DYDC2: variants seen among roughly 807,000 people sequenced by gnomAD.
DYDC2 encodes the protein DPY30 domain containing 2.
Under a neutral mutation model 18.7 loss-of-function variants are expected in DYDC2, and 19 were observed. The observed-to-expected ratio is 1.02, with a 90% CI of 0.71 to 1.49. The LOEUF is 1.49. Ranked by LOEUF, DYDC2 falls within the 40% of genes most tolerant of loss-of-function variation. The pLI is 0.00. For synonymous variants in DYDC2, 63 were observed against 67.6 expected (o/e 0.93, Z 0.34); for missense variants, 179 against 205.1 (o/e 0.87, Z 0.78).
At chr10:80,362,801 T>C in intron 3 of DYDC2, 150 bp from the exon 4 acceptor site, 1 of 1,262,612 alleles carries the variant, frequency 7.9e-7, no homozygotes. Context: ...AGTTGAAGGG[T>C]TTGTAACTAC....
chr10:80,348,017 T>A (rs2132807115), intron 1 of DYDC2, among the ~76,000 whole-genome samples: 1 of 152,308 alleles, frequency 6.6e-6, no homozygotes, highest in East Asian at 1.9e-4. Flanking sequence ...TGATAGGGAT[T>A]GAGATGAATC....
intron 1 of DYDC2, among the ~76,000 whole-genome samples, chr10:80,346,116 G>A (rs1220656860): frequency 1.3e-5 from 2 of 152,114 alleles, no homozygotes; most frequent in East Asian, 3.9e-4. Flanking sequence ...CCAAAGTACT[G>A]GGATTACAGG....
chr10:80,366,924 GCCTCCT>G lies in DYDC2; in HGVS notation c.508_513del (p.Pro170_Pro171del), dbSNP rs778804668. ...TTCAGCATGAAGTTGCTCATGAAAT[GCCTCCT>G]GGCTCCAAATCTCCTTTTTAGGTTA... is the stretch of plus-strand genomic sequence containing the variant. On this transcript the variant is annotated inframe_deletion, in exon 5 of 5. Coordinates refer to ENST00000256039, the MANE Select transcript of DYDC2 (RefSeq NM_032372.6). 3.1e-6 allele frequency: 5 copies of G among 1,613,678 alleles called. No homozygotes were observed. In the South Asian group the frequency reaches 5.5e-5, roughly 18 times the overall value.
intron 1 of DYDC2, among the ~76,000 whole-genome samples, chr10:80,345,800 T>C (rs1842582994): frequency 6.6e-6 from 1 of 152,236 alleles, no homozygotes; most frequent in Non-Finnish European, 1.5e-5. Context: ...TTCTTTTATA[T>C]ATACATATAT....
At chr10:80,362,198 T>A (rs982318456) in intron 2 of DYDC2, among the ~76,000 whole-genome samples, 11 of 152,214 alleles carry the variant, frequency 7.2e-5, no homozygotes, top group African/African-American at 2.7e-4. Context: ...AATTAAAATG[T>A]GTCAACTTCA....
chr10:80,366,501 C>A (rs113360549), intron 4 of DYDC2, among the ~76,000 whole-genome samples, 187 bp from the exon 5 acceptor site: 307 of 152,294 alleles, frequency 2.0e-3, no homozygotes, highest in South Asian at 6.0e-3. Context: ...TTTGTTCTGG[C>A]AGGCAGTTAA....
At chr10:80,352,645 A>G (rs1843073450), upstream of DYDC2, 1 of 1,576,030 alleles carries the variant, frequency 6.3e-7, no homozygotes, top group Admixed American at 1.9e-5. Context: ...ACTGCAGGAT[A>G]TTTTCAATAA....
chr10:80,352,114 T>C, upstream of DYDC2: 1 of 949,354 alleles, frequency 1.1e-6, no homozygotes, highest in South Asian at 1.5e-5. Context: ...AAGCAAATTA[T>C]AGCCCATCCC....
At chr10:80,348,250 C>T (rs1842785157) in intron 1 of DYDC2, among the ~76,000 whole-genome samples, 1 of 151,990 alleles carries the variant, frequency 6.6e-6, no homozygotes, top group African/African-American at 2.4e-5. Flanking sequence ...GTTTCTTTTT[C>T]GAGTAAGTTA....
At chr10:80,350,881 C>A (rs1346661302) in intron 1 of DYDC2, among the ~76,000 whole-genome samples, 1 of 152,120 alleles carries the variant, frequency 6.6e-6, no homozygotes, top group Non-Finnish European at 1.5e-5. Context: ...TCAACAATTC[C>A]CTTACCAATA....
rs1842780980 is a variant in DYDC2, at chr10:80,348,164, T to C, written c.-310+3349T>C. On this transcript the variant is annotated intron_variant, in intron 1 of 4. Transcript: ENST00000372197. ...TTTTACAGTTTTCAAGGTATAGATG[T>C]TTCACCTCCTTGGTTACATTTATTC... 2.0e-5 allele frequency among the ~76,000 whole-genome samples: 3 copies of C among 152,244 alleles called. No homozygotes were observed. In the South Asian group the frequency reaches 6.2e-4, roughly 31 times the overall value.
chr10:80,346,434 T>C (rs1589508466), intron 1 of DYDC2, among the ~76,000 whole-genome samples: 1 of 145,562 alleles, frequency 6.9e-6, no homozygotes, highest in African/African-American at 2.5e-5. Flanking sequence ...AATGTGTGTC[T>C]CTTCCCTTTC....
chr10:80,366,072 A>G (rs1231563491), intron 4 of DYDC2, among the ~76,000 whole-genome samples: 1 of 112,586 alleles, frequency 8.9e-6, no homozygotes, highest in African/African-American at 3.5e-5. Flanking sequence ...TCACTTTGTC[A>G]CCCAAGCTGG....
chr10:80,357,498 A>G (rs1843455099), intron 1 of DYDC2, among the ~76,000 whole-genome samples: 1 of 152,140 alleles, frequency 6.6e-6, no homozygotes, highest in South Asian at 2.1e-4. Flanking sequence ...AAGGGCAGCC[A>G]ATCGGAAAAG....
At chr10:80,347,299 T>TGC (rs1842720300) in intron 1 of DYDC2, among the ~76,000 whole-genome samples, 1 of 72,438 alleles carries the variant, frequency 1.4e-5, no homozygotes, top group African/African-American at 5.0e-5. Context: ...TTTTTTTTTT[T>TGC]TTTTTTGCTA....
At chr10:80,350,226 C>T (rs1433643823) in intron 1 of DYDC2, among the ~76,000 whole-genome samples, 2 of 152,150 alleles carry the variant, frequency 1.3e-5, no homozygotes, top group Admixed American at 1.3e-4. Flanking sequence ...TAGTTCATAC[C>T]GGTCAACATA....
chr10:80,349,653 G>C (rs1488673723), intron 1 of DYDC2, among the ~76,000 whole-genome samples: 1 of 152,190 alleles, frequency 6.6e-6, no homozygotes, highest in Non-Finnish European at 1.5e-5. Context: ...GACATTGGTA[G>C]AGGAAGTTAA....
intron 1 of DYDC2, among the ~76,000 whole-genome samples, chr10:80,346,444 CT>C (rs1032729095): frequency 0.015 from 1,208 of 83,164 alleles, 1 homozygote; most frequent in Middle Eastern, 0.029. Context: ...TCTTCCCTTT[CT>C]TTTTTTTTTT....
In DYDC2 at chr10:80,363,084, G is replaced by A. The variant is rs755252460; in HGVS notation, c.270+11G>A. On this transcript the variant is annotated intron_variant, in intron 4 of 4. Transcript: ENST00000256039. ...GAAAAGTGTCACAAGGTAGGGAGAA[G>A]GACTCAGCTTTGGGTTGCCACACAC... 7.5e-6 allele frequency: 12 copies of A among 1,608,222 alleles called. No homozygotes were observed. In the South Asian group the frequency reaches 1.1e-4, roughly 15 times the overall value.
Sources: allele counts gnomAD v4.1 joint callset (sites outside exome capture counted in the v4.1 genomes callset), GRCh38; gene constraint gnomAD v4.1.1; transcripts MANE v1.5; gene names NCBI Gene and HGNC (gene_info 2026-07-23, HGNC 2026-07-21).